Variants in PLPPR1 observed in about 807,000 individuals in gnomAD.
PLPPR1 encodes phospholipid phosphatase related 1, also known as phospholipid phosphatase-related protein type 1.
PLPPR1 carries 10 observed loss-of-function variants against 33.1 expected under a neutral mutation model. The observed-to-expected ratio is 0.30, with a 90% CI of 0.19 to 0.51. The LOEUF (loss-of-function observed/expected upper bound fraction) is 0.51. PLPPR1 is among the 20% of genes least tolerant of loss of function. PLPPR1 has a pLI of 0.97. For synonymous variants in PLPPR1, 151 were observed against 151.0 expected, an observed-to-expected ratio of 1.00 and a Z score of 0.00; for missense variants, 304 against 408.1, an observed-to-expected ratio of 0.74 and a Z score of 2.20.
chr9:101,318,476 G>C (rs1244731858), intron 7 of PLPPR1, among the ~76,000 whole-genome samples: 1 of 151,718 alleles, frequency 6.6e-6, no homozygotes, highest in African/African-American at 2.4e-5. Context: ...GTAAAGATAA[G>C]AATGCAGAAG....
chr9:101,305,073 A>G (rs1423362132), intron 4 of PLPPR1, among the ~76,000 whole-genome samples: 1 of 152,058 alleles, frequency 6.6e-6, no homozygotes, highest in Non-Finnish European at 1.5e-5. Flanking sequence ...TTTTCTGGGG[A>G]GTCTAAATCC....
chr9:101,279,184 A>G (rs752634475), intron 3 of PLPPR1, among the ~76,000 whole-genome samples: 1 of 152,224 alleles, frequency 6.6e-6, no homozygotes, highest in South Asian at 2.1e-4. Flanking sequence ...GAAAAACAAT[A>G]CAAGTAAATG....
chr9:101,180,123 TATATATATATATATATATATACACACAC>T (rs1564167552), intron 1 of PLPPR1, among the ~76,000 whole-genome samples: 10 of 42,940 alleles, frequency 2.3e-4, no homozygotes, highest in African/African-American at 6.4e-4. Flanking sequence ...TATATATATA[TATATATATATATATATATATACACACAC>T]ACACACACAC....
intron 1 of PLPPR1, among the ~76,000 whole-genome samples, chr9:101,150,822 T>G (rs552657752): frequency 6.6e-6 from 1 of 152,102 alleles, no homozygotes; most frequent in Non-Finnish European, 1.5e-5. Context: ...CTTTATGATA[T>G]GTTTGTGAAC....
rs776044397 is a variant in PLPPR1, at chr9:101,324,043, A to G, written c.964A>G (p.Thr322Ala). 1.2e-5 allele frequency: 19 copies of G among 1,612,694 alleles called. No homozygotes were observed. The highest frequency in any genetic ancestry group is 1.6e-5 in the Non-Finnish European group (19 of 1,178,954). ...LSAQNHSASM[T>A]EVT ...TCCACAGAATCACTCTGCGTCCATG[A>G]CCGAAGTTACCTGAGACGACTGATG... The change falls in exon 8 of 8, where the codon ACC becomes GCC. Residue 322 changes from threonine to alanine, a missense_variant. Physicochemically the swap from Thr to Ala is moderately conservative, Grantham distance 58. Transcript: ENST00000374874.
At chr9:101,102,907 C>T (rs1830926807) in intron 1 of PLPPR1, among the ~76,000 whole-genome samples, 1 of 61,734 alleles carries the variant, frequency 1.6e-5, no homozygotes, top group Non-Finnish European at 3.0e-5. Context: ...TGATGATGAG[C>T]ATTTTTTCAT....
Position 101,197,442 on chromosome 9 carries a change from T to C in PLPPR1, c.63+11885T>C, listed in dbSNP as rs1230789045. ...CCTACTATCATTTTTTCTTCTACTT[T>C]CTCTATGCAGATTAATTCATAAAAA... On this transcript the variant is annotated intron_variant, in intron 2 of 7. Coordinates refer to ENST00000374874, the MANE Select transcript of PLPPR1 (RefSeq NM_207299.2). Among the ~76,000 whole-genome samples, 4 of 152,308 alleles carry C rather than the reference T, an allele frequency of 2.6e-5. No individual in the cohort carries two copies. In the East Asian group the frequency reaches 7.7e-4, roughly 29 times the overall value.
intron 1 of PLPPR1, among the ~76,000 whole-genome samples, chr9:101,151,749 C>G (rs1412764376): frequency 6.6e-6 from 1 of 152,152 alleles, no homozygotes; most frequent in South Asian, 2.1e-4. Flanking sequence ...ACCCTTAGGT[C>G]GAACATGGCC....
intron 1 of PLPPR1, among the ~76,000 whole-genome samples, chr9:101,146,872 G>A (rs1251681836): frequency 1.3e-5 from 2 of 152,190 alleles, no homozygotes; most frequent in Admixed American, 6.5e-5. Context: ...TTTTGCAATT[G>A]TAAGCCTTGT....
At chr9:101,210,889 T>A (rs977772747) in intron 2 of PLPPR1, among the ~76,000 whole-genome samples, 1 of 152,136 alleles carries the variant, frequency 6.6e-6, no homozygotes, top group South Asian at 2.1e-4. Flanking sequence ...TGCCTCAGCA[T>A]CCCGAGTAGC....
At chr9:101,147,282 G>A (rs1355858606) in intron 1 of PLPPR1, among the ~76,000 whole-genome samples, 2 of 152,148 alleles carry the variant, frequency 1.3e-5, no homozygotes, top group African/African-American at 4.8e-5. Context: ...AGGGCTCCTT[G>A]TGAGAATTAC....
At chr9:101,085,793 C>A (rs978846625) in intron 1 of PLPPR1, among the ~76,000 whole-genome samples, 5 of 152,038 alleles carry the variant, frequency 3.3e-5, no homozygotes, top group African/African-American at 1.2e-4. Context: ...AGTGGACTCA[C>A]TTCTTTAGCT....
At chr9:101,220,793 C>T (rs993375489) in intron 2 of PLPPR1, among the ~76,000 whole-genome samples, 2 of 152,204 alleles carry the variant, frequency 1.3e-5, no homozygotes, top group African/African-American at 2.4e-5. Context: ...TCTGAACCAA[C>T]GGTTGCAGCT....
At chr9:101,257,687 T>C (rs970575674) in intron 2 of PLPPR1, among the ~76,000 whole-genome samples, 2 of 152,152 alleles carry the variant, frequency 1.3e-5, no homozygotes, top group Non-Finnish European at 2.9e-5. Context: ...ATTCTGGTGA[T>C]AGAAAACACA....
intron 1 of PLPPR1, among the ~76,000 whole-genome samples, chr9:101,151,946 A>G (rs573996643): frequency 1.3e-5 from 2 of 152,298 alleles, no homozygotes; most frequent in South Asian, 4.1e-4. Flanking sequence ...GAGATTGTCT[A>G]GTTCTAGATC....
intron 1 of PLPPR1, among the ~76,000 whole-genome samples, chr9:101,092,704 G>A (rs1354984016): frequency 2.6e-5 from 4 of 152,134 alleles, no homozygotes; most frequent in Non-Finnish European, 5.9e-5. Flanking sequence ...CCTCTTCAGG[G>A]AAATCTTCCT....
At chr9:101,108,602 C>T (rs1400057553) in intron 1 of PLPPR1, among the ~76,000 whole-genome samples, 2 of 152,216 alleles carry the variant, frequency 1.3e-5, no homozygotes, top group Non-Finnish European at 2.9e-5. Flanking sequence ...GAAATTTGGT[C>T]ACCTTAAGAC....
intron 7 of PLPPR1, among the ~76,000 whole-genome samples, chr9:101,319,006 G>A (rs1829105648): frequency 1.3e-5 from 2 of 152,078 alleles, no homozygotes; most frequent in Admixed American, 6.5e-5. Context: ...AATCTTGTTT[G>A]CATTTGGCAT....
At chr9:101,310,319 A>C (rs1443190159) in intron 5 of PLPPR1, among the ~76,000 whole-genome samples, 1 of 152,184 alleles carries the variant, frequency 6.6e-6, no homozygotes, top group African/African-American at 2.4e-5. Context: ...TGCATTTACC[A>C]GTGGCAGAGC....
Sources: gnomAD v4.1 joint callset for allele counts (sites outside exome capture counted in the v4.1 genomes callset) on GRCh38, gnomAD v4.1.1 for gene constraint, MANE v1.5 for transcripts, NCBI Gene and HGNC (gene_info 2026-07-23, HGNC 2026-07-21) for gene names.